Variants in VPS13B observed in about 807,000 individuals in gnomAD.
The protein encoded by VPS13B is vacuolar protein sorting 13 homolog B.
Under a neutral mutation model 426.4 loss-of-function variants are expected in VPS13B, and 285 were observed. The observed-to-expected ratio is 0.67, with a 90% CI of 0.61 to 0.74. The LOEUF (loss-of-function observed/expected upper bound fraction) is 0.74. Among genes scored for constraint, VPS13B ranks in the 30% least tolerant of loss-of-function variants. The probability of loss-of-function intolerance (pLI) is 0.00; values close to 1 mark genes in which losing one functional copy is unlikely to be tolerated. For synonymous variants in VPS13B, 1,676 were observed against 1,676.4 expected (o/e 1.00, Z 0.01); for missense variants, 4,537 against 4,782.6 (o/e 0.95, Z 1.51).
chr8:99,587,084 G>A (rs527400354), intron 33 of VPS13B, among the ~76,000 whole-genome samples: 2 of 152,142 alleles, frequency 1.3e-5, no homozygotes, highest in South Asian at 2.1e-4. Context: ...TTGGTTTTCT[G>A]TCCTTCCAAT....
At chr8:99,760,817 T>C (rs184001172) in intron 39 of VPS13B, among the ~76,000 whole-genome samples, 1 of 152,240 alleles carries the variant, frequency 6.6e-6, no homozygotes, top group Non-Finnish European at 1.5e-5. Flanking sequence ...ACTTTTCTTG[T>C]CATTATTTCC....
intron 33 of VPS13B, among the ~76,000 whole-genome samples, chr8:99,633,068 T>C (rs750896069): frequency 6.6e-6 from 1 of 152,044 alleles, no homozygotes; most frequent in Non-Finnish European, 1.5e-5. Context: ...TGTCATCACT[T>C]TCTCAACTTG....
At chr8:99,875,315 C>A (rs996836150) in intron 61 of VPS13B, 103 bp from the exon 62 acceptor site, 31 of 1,506,866 alleles carry the variant, frequency 2.1e-5, no homozygotes, top group Non-Finnish European at 2.8e-5. Context: ...AATAGATGAC[C>A]TAAAAGGCAT....
intron 17 of VPS13B, among the ~76,000 whole-genome samples, chr8:99,229,150 G>T (rs952749185): frequency 6.6e-6 from 1 of 152,184 alleles, no homozygotes; most frequent in Non-Finnish European, 1.5e-5. Flanking sequence ...TGAAAAAAAG[G>T]GTCGGGAACA....
chr8:99,266,107 A>G (rs1563635764), intron 17 of VPS13B, among the ~76,000 whole-genome samples: 1 of 152,188 alleles, frequency 6.6e-6, no homozygotes. Context: ...TCATAACTAC[A>G]GAAGTGATCA....
At chr8:99,305,509 A>C (rs1292535992) in intron 19 of VPS13B, among the ~76,000 whole-genome samples, 1 of 152,104 alleles carries the variant, frequency 6.6e-6, no homozygotes, top group Non-Finnish European at 1.5e-5. Context: ...GCTAGACCCA[A>C]TCCCCCAGAT....
At chr8:99,577,402 G>A in intron 32 of VPS13B, 88 bp from the exon 33 acceptor site, 1 of 1,576,778 alleles carries the variant, frequency 6.3e-7, no homozygotes, top group East Asian at 2.2e-5. Flanking sequence ...TGTCACCAAA[G>A]TAGTGAAGGT....
At chr8:99,222,346 A>G (rs1042626840) in intron 17 of VPS13B, among the ~76,000 whole-genome samples, 3 of 152,102 alleles carry the variant, frequency 2.0e-5, no homozygotes, top group Admixed American at 6.6e-5. Flanking sequence ...TAGGCATCTT[A>G]CTTAGATTCT....
chr8:99,051,487 G>T lies in VPS13B; in HGVS notation c.291+12921G>T, dbSNP rs566013248. On this transcript the variant is annotated intron_variant, in intron 3 of 61. Coordinates refer to ENST00000357162, the MANE Select transcript of VPS13B (RefSeq NM_152564.5). ...ATGATGCCTCCAGCTTTGTTCTTTT[G>T]GCTTAGGATTGACTTGGCAGTGCAG... Among the ~76,000 whole-genome samples the T allele has an allele frequency of 1.8e-4, 27 of 151,616 alleles. No homozygotes were observed. In the South Asian group the frequency reaches 3.8e-3, roughly 21 times the overall value.
intron 3 of VPS13B, among the ~76,000 whole-genome samples, chr8:99,085,324 C>T (rs1001056307): frequency 4.6e-5 from 7 of 152,118 alleles, no homozygotes; most frequent in Non-Finnish European, 8.8e-5. Context: ...TCCTCCATCC[C>T]TTTATTTTGA....
intron 12 of VPS13B, among the ~76,000 whole-genome samples, chr8:99,137,928 C>G: frequency 6.6e-6 from 1 of 152,132 alleles, no homozygotes; most frequent in East Asian, 1.9e-4. Context: ...TGACCACTTA[C>G]TACCTCTGCT....
chr8:99,584,938 T>C (rs1826234335), intron 33 of VPS13B, among the ~76,000 whole-genome samples: 1 of 152,160 alleles, frequency 6.6e-6, no homozygotes. Flanking sequence ...CCTCAAAATA[T>C]AAATACACCT....
At chr8:99,230,606 A>G (rs1368561673) in intron 17 of VPS13B, among the ~76,000 whole-genome samples, 1 of 152,218 alleles carries the variant, frequency 6.6e-6, no homozygotes, top group African/African-American at 2.4e-5. Context: ...TTTGTTAACC[A>G]TATGATTTAG....
chr8:99,105,864 T>C (rs1430893676), intron 5 of VPS13B, among the ~76,000 whole-genome samples: 3 of 152,154 alleles, frequency 2.0e-5, no homozygotes, highest in Admixed American at 6.5e-5. Flanking sequence ...GGGTGAGTCA[T>C]TTATAAAATG....
chr8:99,533,463 G>A (rs1053397241), intron 30 of VPS13B, among the ~76,000 whole-genome samples: 59 of 151,944 alleles, frequency 3.9e-4, no homozygotes, highest in Non-Finnish European at 6.8e-4. Flanking sequence ...TTTTTAAATG[G>A]TCATTCTGAC....
intron 19 of VPS13B, among the ~76,000 whole-genome samples, chr8:99,319,982 C>T (rs1285080482): frequency 2.6e-5 from 4 of 152,124 alleles, no homozygotes. Context: ...CGTGCTTACT[C>T]TTGTTATTTA....
chr8:99,387,250 C>T (rs1262073170), intron 20 of VPS13B, among the ~76,000 whole-genome samples: 2 of 151,892 alleles, frequency 1.3e-5, no homozygotes, highest in Non-Finnish European at 2.9e-5. Context: ...CAGGTTCTTG[C>T]TCTGTTGCCC....
chr8:99,489,352 T>G (rs1407597863), intron 25 of VPS13B, among the ~76,000 whole-genome samples: 5 of 151,412 alleles, frequency 3.3e-5, no homozygotes, highest in South Asian at 2.1e-4. Context: ...GTTTTGTTTT[T>G]TTTTTTCTGC....
intron 43 of VPS13B, among the ~76,000 whole-genome samples, chr8:99,803,548 A>G (rs1215802883): frequency 1.3e-5 from 2 of 152,206 alleles, no homozygotes; most frequent in African/African-American, 4.8e-5. Context: ...TAGGTGGGAA[A>G]TTATATTCTA....
Sources: gnomAD v4.1 joint callset for allele counts (sites outside exome capture counted in the v4.1 genomes callset) on GRCh38, gnomAD v4.1.1 for gene constraint, MANE v1.5 for transcripts, NCBI Gene and HGNC (gene_info 2026-07-23, HGNC 2026-07-21) for gene names.